ARHGAP42: variants seen among roughly 807,000 people sequenced by gnomAD.
ARHGAP42 encodes rho GTPase-activating protein 42.
Under a neutral mutation model 125.0 loss-of-function variants are expected in ARHGAP42, and 63 were observed. That is an observed-to-expected ratio of 0.50 (90% CI 0.41 to 0.62). ARHGAP42 has a LOEUF of 0.62. ARHGAP42 is among the 20% of genes least tolerant of loss of function. The pLI is 0.00. For synonymous variants in ARHGAP42, 339 were observed against 351.0 expected (o/e 0.97, Z 0.38); for missense variants, 766 against 1,024.2 (o/e 0.75, Z 3.44).
chr11:100,702,788 C>T (rs1365665208), intron 1 of ARHGAP42, among the ~76,000 whole-genome samples: 1 of 151,912 alleles, frequency 6.6e-6, no homozygotes, highest in Admixed American at 6.6e-5. Context: ...TCTCCTGCCT[C>T]AGCCTCCCGA....
chr11:100,844,496 C>T (rs1015553008), intron 3 of ARHGAP42, among the ~76,000 whole-genome samples: 2 of 151,946 alleles, frequency 1.3e-5, no homozygotes, highest in Non-Finnish European at 2.9e-5. Flanking sequence ...GAACAGTCAA[C>T]AGAGTGAACA....
intron 4 of ARHGAP42, among the ~76,000 whole-genome samples, chr11:100,903,709 A>AAAAAAAAAAAAATAT (rs1332890022): frequency 3.1e-5 from 2 of 63,510 alleles, no homozygotes; most frequent in African/African-American, 6.8e-5. Flanking sequence ...TGTCCCTCAA[A>AAAAAAAAAAAAATAT]ATATATATAT....
chr11:100,893,933 T>A (rs1866282082), intron 4 of ARHGAP42, among the ~76,000 whole-genome samples: 1 of 151,110 alleles, frequency 6.6e-6, no homozygotes, highest in Non-Finnish European at 1.5e-5. Context: ...ATTAAAAACA[T>A]TAATTAAGTA....
At chr11:100,703,168 C>T (rs758937562) in intron 1 of ARHGAP42, among the ~76,000 whole-genome samples, 1 of 152,172 alleles carries the variant, frequency 6.6e-6, no homozygotes, top group Non-Finnish European at 1.5e-5. Flanking sequence ...GCTGGCTTCT[C>T]TGGGCTAACT....
At chr11:100,981,940 T>C (rs962058611) in intron 22 of ARHGAP42, among the ~76,000 whole-genome samples, 4 of 151,854 alleles carry the variant, frequency 2.6e-5, no homozygotes, top group Admixed American at 2.6e-4. Context: ...GGCCATAGGG[T>C]TTGAGGAGGC....
chr11:100,947,009 T>A (rs1238443458), intron 10 of ARHGAP42, among the ~76,000 whole-genome samples: 1 of 150,418 alleles, frequency 6.6e-6, no homozygotes, highest in African/African-American at 2.5e-5. Context: ...TAAACTGTGT[T>A]GACTCTTTTG....
At chr11:100,927,241 TATATAG>T (rs1220196048) in intron 6 of ARHGAP42, among the ~76,000 whole-genome samples, 1 of 152,192 alleles carries the variant, frequency 6.6e-6, no homozygotes, top group Non-Finnish European at 1.5e-5. Context: ...CATCAGCTAG[TATATAG>T]ATGAGCAGCT....
chr11:100,896,381 T>G (rs1866365404), intron 4 of ARHGAP42, among the ~76,000 whole-genome samples: 1 of 152,218 alleles, frequency 6.6e-6, no homozygotes, highest in Non-Finnish European at 1.5e-5. Context: ...CTGGGTCAAA[T>G]GGTATTTCTA....
chr11:100,885,264 C>T (rs1233776557), intron 4 of ARHGAP42, among the ~76,000 whole-genome samples: 2 of 152,176 alleles, frequency 1.3e-5, no homozygotes, highest in Admixed American at 6.5e-5. Context: ...TATTGGGCCG[C>T]TTCGATTGGG....
chr11:100,886,660 TTGA>T (rs1866099712), intron 4 of ARHGAP42, among the ~76,000 whole-genome samples: 3 of 152,226 alleles, frequency 2.0e-5, no homozygotes, highest in African/African-American at 4.8e-5. Context: ...ATTGCAATAA[TTGA>T]TGTATTGCAT....
At chr11:100,703,310 G>A (rs1861428358) in intron 1 of ARHGAP42, among the ~76,000 whole-genome samples, 1 of 152,120 alleles carries the variant, frequency 6.6e-6, no homozygotes, top group Non-Finnish European at 1.5e-5. Context: ...AATGAAAATA[G>A]CATTTGCCTT....
chr11:100,735,464 A>G (rs922176327), intron 1 of ARHGAP42, among the ~76,000 whole-genome samples: 8 of 152,188 alleles, frequency 5.3e-5, no homozygotes, highest in Admixed American at 4.6e-4. Flanking sequence ...AAAAAAGAAT[A>G]GGAAATAGGA....
intron 1 of ARHGAP42, among the ~76,000 whole-genome samples, chr11:100,746,820 G>C (rs1026181934): frequency 5.3e-5 from 8 of 152,150 alleles, no homozygotes; most frequent in Admixed American, 6.5e-5. Context: ...TATAAGCACT[G>C]GGTAAGGAAA....
At chr11:100,858,082 TA>T (rs947450503) in intron 3 of ARHGAP42, among the ~76,000 whole-genome samples, 2 of 142,276 alleles carry the variant, frequency 1.4e-5, no homozygotes, top group Non-Finnish European at 3.0e-5. Flanking sequence ...ACAATCTGGA[TA>T]GGGGTGTGTG....
At chr11:100,769,761 T>C (rs1260818479) in intron 1 of ARHGAP42, among the ~76,000 whole-genome samples, 1 of 128,210 alleles carries the variant, frequency 7.8e-6, no homozygotes, top group Non-Finnish European at 1.6e-5. Context: ...AATGCTCCAG[T>C]AGCTGAACAA....
intron 3 of ARHGAP42, among the ~76,000 whole-genome samples, chr11:100,814,827 G>T (rs575653998): frequency 6.6e-6 from 1 of 152,290 alleles, no homozygotes; most frequent in Non-Finnish European, 1.5e-5. Flanking sequence ...CCAACACTGG[G>T]GATTACAGTT....
intron 12 of ARHGAP42, among the ~76,000 whole-genome samples, chr11:100,959,286 C>T (rs185636178): frequency 3.3e-4 from 50 of 151,980 alleles, no homozygotes; most frequent in Non-Finnish European, 6.2e-4. Flanking sequence ...TTTCATAATC[C>T]TAGGACCTTT....
intron 1 of ARHGAP42, among the ~76,000 whole-genome samples, chr11:100,727,532 AC>A (rs1337149621): frequency 6.6e-6 from 1 of 151,890 alleles, no homozygotes; most frequent in Admixed American, 6.6e-5. Context: ...CTCCACCCCC[AC>A]CCTCTGGGAA....
intron 15 of ARHGAP42, among the ~76,000 whole-genome samples, chr11:100,962,037 G>T (rs908761994): frequency 6.6e-6 from 1 of 152,066 alleles, no homozygotes; most frequent in Non-Finnish European, 1.5e-5. Flanking sequence ...GGATTTTTAT[G>T]TACTTTTTTA....
Sources: allele counts gnomAD v4.1 joint callset (sites outside exome capture counted in the v4.1 genomes callset), GRCh38; gene constraint gnomAD v4.1.1; transcripts MANE v1.5; gene names NCBI Gene and HGNC (gene_info 2026-07-23, HGNC 2026-07-21).